Variants in NRXN3 observed in about 807,000 individuals in gnomAD.
NRXN3 encodes neurexin III.
NRXN3 carries 32 observed loss-of-function variants against 137.6 expected under a neutral mutation model. The ratio of observed to expected loss-of-function variants is 0.23; its 90% CI spans 0.18 to 0.31. The LOEUF (loss-of-function observed/expected upper bound fraction) is 0.31, where lower values mean the gene tolerates loss of function less well. Among genes scored for constraint, NRXN3 ranks in the 10% least tolerant of loss-of-function variants. The pLI is 1.00. For synonymous variants in NRXN3, 798 were observed against 784.5 expected, an observed-to-expected ratio of 1.02 and a Z score of -0.29; for missense variants, 1,574 against 2,062.5, an observed-to-expected ratio of 0.76 and a Z score of 4.59.
At chr14:79,025,803 A>G (rs2099597079) in intron 15 of NRXN3, among the ~76,000 whole-genome samples, 1 of 152,208 alleles carries the variant, frequency 6.6e-6, no homozygotes, top group Non-Finnish European at 1.5e-5. Flanking sequence ...GGTTGAAGAC[A>G]TTAAGTAAGA....
chr14:79,151,008 T>C (rs1401878562), intron 15 of NRXN3, among the ~76,000 whole-genome samples: 1 of 152,078 alleles, frequency 6.6e-6, no homozygotes, highest in African/African-American at 2.4e-5. Context: ...AAAGAGAATG[T>C]ATCCTTCTGA....
At chr14:79,584,207 A>G (rs1332085642) in intron 16 of NRXN3, among the ~76,000 whole-genome samples, 2 of 152,134 alleles carry the variant, frequency 1.3e-5, no homozygotes, top group Non-Finnish European at 2.9e-5. Context: ...AGGCCCCATA[A>G]TCTTTTAGTG....
At chr14:78,657,005 C>T (rs187226313) in intron 6 of NRXN3, among the ~76,000 whole-genome samples, 141 of 138,106 alleles carry the variant, frequency 1.0e-3, no homozygotes, top group South Asian at 2.8e-3. Flanking sequence ...CGAGATCGCA[C>T]CACTGCACTC....
chr14:78,476,540 A>AT (rs1282592480), intron 4 of NRXN3, among the ~76,000 whole-genome samples: 1 of 152,136 alleles, frequency 6.6e-6, no homozygotes, highest in African/African-American at 2.4e-5. Context: ...AAGAGAAATA[A>AT]TTTTTTGTTT....
At chr14:78,355,754 A>G (rs1468644694) in intron 4 of NRXN3, among the ~76,000 whole-genome samples, 1 of 152,206 alleles carries the variant, frequency 6.6e-6, no homozygotes, top group East Asian at 1.9e-4. Flanking sequence ...CCCTCTACCT[A>G]GAATGCTTTT....
At chr14:79,745,882 T>C (rs2098978256) in intron 19 of NRXN3, among the ~76,000 whole-genome samples, 1 of 152,142 alleles carries the variant, frequency 6.6e-6, no homozygotes, top group South Asian at 2.1e-4. Context: ...CATGGTGTTC[T>C]CCCTGTGTGC....
chr14:79,243,886 C>T (rs1013168969), intron 15 of NRXN3, among the ~76,000 whole-genome samples: 1 of 151,996 alleles, frequency 6.6e-6, no homozygotes, highest in Admixed American at 6.6e-5. Context: ...TATAAAATTT[C>T]CAAGTGACAA....
intron 15 of NRXN3, among the ~76,000 whole-genome samples, chr14:79,143,625 A>G (rs2059022864): frequency 6.6e-6 from 1 of 152,370 alleles, no homozygotes; most frequent in East Asian, 1.9e-4. Context: ...TCTATACTGC[A>G]GAATAAATAT....
intron 15 of NRXN3, among the ~76,000 whole-genome samples, chr14:79,275,734 G>T (rs767809578): frequency 4.0e-5 from 6 of 151,626 alleles, no homozygotes; most frequent in South Asian, 2.1e-4. Context: ...GTGAGGATGG[G>T]GGGGGGGACA....
intron 4 of NRXN3, among the ~76,000 whole-genome samples, chr14:78,624,624 G>A (rs753317808): frequency 2.6e-5 from 4 of 152,184 alleles, no homozygotes; most frequent in Non-Finnish European, 5.9e-5. Context: ...ACCAAGCAAG[G>A]TGAACTGGGA....
chr14:78,691,159 A>G (rs113276094), intron 6 of NRXN3, among the ~76,000 whole-genome samples: 4,130 of 152,274 alleles, frequency 0.027, 97 homozygotes, highest in Middle Eastern at 0.037. Flanking sequence ...CAGATATTGC[A>G]TATTATGAGA....
chr14:79,608,182 A>T (rs778995338), intron 16 of NRXN3, among the ~76,000 whole-genome samples: 2 of 152,186 alleles, frequency 1.3e-5, no homozygotes, highest in Non-Finnish European at 2.9e-5. Flanking sequence ...TGTAATGAGG[A>T]TTCTGGAAAG....
At chr14:78,819,562 A>G (rs1359398083) in intron 10 of NRXN3, among the ~76,000 whole-genome samples, 2 of 152,132 alleles carry the variant, frequency 1.3e-5, no homozygotes, top group Non-Finnish European at 2.9e-5. Flanking sequence ...GGGTCCTGGA[A>G]CTAATTTCTC....
At chr14:79,152,204 G>A (rs569958282) in intron 15 of NRXN3, among the ~76,000 whole-genome samples, 7 of 152,134 alleles carry the variant, frequency 4.6e-5, no homozygotes, top group East Asian at 1.9e-4. Flanking sequence ...GGAGGACAGC[G>A]ATAGAATGCT....
intron 19 of NRXN3, among the ~76,000 whole-genome samples, chr14:79,762,210 G>A (rs2139446641): frequency 6.6e-6 from 1 of 151,692 alleles, no homozygotes; most frequent in South Asian, 2.1e-4. Flanking sequence ...AAAATTGCTA[G>A]CACTACGAAA....
chr14:78,432,698 C>T (rs1440098765), intron 4 of NRXN3, among the ~76,000 whole-genome samples: 1 of 152,142 alleles, frequency 6.6e-6, no homozygotes, highest in African/African-American at 2.4e-5. Context: ...TCCTCTTGTC[C>T]TAATACCTTC....
chr14:79,192,471 T>C (rs1457291753), intron 15 of NRXN3, among the ~76,000 whole-genome samples: 1 of 152,158 alleles, frequency 6.6e-6, no homozygotes, highest in Non-Finnish European at 1.5e-5. Flanking sequence ...TATTTGGGGA[T>C]ATTTTAGGCA....
chr14:78,556,925 T>A (rs555411588), intron 4 of NRXN3, among the ~76,000 whole-genome samples: 22 of 32,468 alleles, frequency 6.8e-4, no homozygotes, highest in African/African-American at 2.8e-3. Flanking sequence ...CTTCCCCTCC[T>A]CCTCCCCTGC....
At chr14:78,508,371 A>G (rs967337710) in intron 4 of NRXN3, among the ~76,000 whole-genome samples, 2 of 152,238 alleles carry the variant, frequency 1.3e-5, no homozygotes, top group Admixed American at 6.5e-5. Context: ...GTGTCCCACA[A>G]GGGTGAAGGC....
Sources: allele counts gnomAD v4.1 joint callset (sites outside exome capture counted in the v4.1 genomes callset), GRCh38; gene constraint gnomAD v4.1.1; transcripts MANE v1.5; gene names NCBI Gene and HGNC (gene_info 2026-07-23, HGNC 2026-07-21).